The following DCHS2 variants were observed in gnomAD, a reference collection of about 807,000 sequenced individuals.
DCHS2 encodes dachsous cadherin-related 2, also known as protocadherin-23.
DCHS2 carries 142 observed loss-of-function variants against 182.4 expected under a neutral mutation model. That is an observed-to-expected ratio of 0.78 (90% CI 0.68 to 0.89). The LOEUF (loss-of-function observed/expected upper bound fraction) is 0.89. DCHS2 is among the 40% of genes least tolerant of loss of function. The probability of loss-of-function intolerance (pLI) is 0.00; values close to 1 mark genes in which losing one functional copy is unlikely to be tolerated. For synonymous variants in DCHS2, 1,740 were observed against 1,663.3 expected, an observed-to-expected ratio of 1.05 and a Z score of -1.12; for missense variants, 4,319 against 4,198.6, an observed-to-expected ratio of 1.03 and a Z score of -0.79.
intron 13 of DCHS2, among the ~76,000 whole-genome samples, chr4:154,273,823 C>T (rs12506449): frequency 0.059 from 8,943 of 152,046 alleles, 519 homozygotes; most frequent in Admixed American, 0.18. Flanking sequence ...CTGCCCTATA[C>T]GATTACACAT....
intron 1 of DCHS2, among the ~76,000 whole-genome samples, chr4:154,488,902 CTG>C (rs35075104): frequency 0.019 from 1,164 of 62,266 alleles, 11 homozygotes; most frequent in African/African-American, 0.036. Context: ...GTGTGTGTGT[CTG>C]TGTGTGTGTG....
chr4:154,490,523 C>T lies in DCHS2; in HGVS notation c.833G>A (p.Gly278Asp). 2 of 1,536,240 alleles carry T rather than the reference C, an allele frequency of 1.3e-6. No homozygotes were observed. Among genetic ancestry groups the T allele is most frequent in the South Asian group, 1.2e-5 (1 of 83,862 alleles). ...CACGCGCAGCTCCACGCTCAGGAGGCCGGTGCGCCGGGGTCGGCCGCCGTC... is the reference window on the plus strand; with the variant it reads ...CACGCGCAGCTCCACGCTCAGGAGGTCGGTGCGCCGGGGTCGGCCGCCGTC... Reference protein sequence around the residue: ...AWDGGRPRRTGLLSVELRVLD... With the variant: ...AWDGGRPRRTDLLSVELRVLD... Residue 278 changes from glycine to aspartate, a missense_variant, in exon 1 of 20, where the codon GGC (glycine) becomes GAC (aspartate). Gly to Asp is a moderately conservative substitution (Grantham distance 94). Coordinates refer to ENST00000357232, the MANE Select transcript of DCHS2 (RefSeq NM_001358235.2).
chr4:154,448,504 C>G (rs1477271465), intron 1 of DCHS2, among the ~76,000 whole-genome samples: 1 of 152,142 alleles, frequency 6.6e-6, no homozygotes, highest in Non-Finnish European at 1.5e-5. Flanking sequence ...TCCTCTCCAT[C>G]ACTCCTGCCA....
chr4:154,336,949 G>T (rs1350357675), intron 3 of DCHS2, among the ~76,000 whole-genome samples: 1 of 152,054 alleles, frequency 6.6e-6, no homozygotes, highest in Non-Finnish European at 1.5e-5. Flanking sequence ...CAATTTTACT[G>T]TTATAAAGCA....
intron 1 of DCHS2, among the ~76,000 whole-genome samples, chr4:154,465,933 T>A (rs1735221795): frequency 6.6e-6 from 1 of 151,996 alleles, no homozygotes; most frequent in East Asian, 1.9e-4. Context: ...AAACAACAGA[T>A]CCATAAAGCT....
intron 16 of DCHS2, among the ~76,000 whole-genome samples, chr4:154,252,157 A>ATCTT (rs1553997953): frequency 6.6e-6 from 1 of 151,860 alleles, no homozygotes; most frequent in African/African-American, 2.4e-5. Flanking sequence ...ATAATAGGAA[A>ATCTT]TCTTTTCTTT....
rs978938929 is a variant in DCHS2, at chr4:154,286,395, AGGT to A, written c.6463+11453_6463+11455del. The stretch of plus-strand genomic sequence containing the variant: ...GGACAAATCCTGGAGAAACTGAGAT[AGGT>A]GACCTTTCAGACAGAGAATTCAAAA... On this transcript the variant is annotated intron_variant, in intron 13 of 19. Coordinates refer to ENST00000357232, the MANE Select transcript of DCHS2 (RefSeq NM_001358235.2). Among the ~76,000 whole-genome samples the A allele has an allele frequency of 4.5e-4, 69 of 152,274 alleles. 2 individuals are homozygous for A. The highest frequency in any genetic ancestry group is 4.1e-3 in the Admixed American group (63 of 15,290).
chr4:154,454,412 T>C (rs1734675194), intron 1 of DCHS2, among the ~76,000 whole-genome samples: 1 of 152,012 alleles, frequency 6.6e-6, no homozygotes, highest in Admixed American at 6.6e-5. Flanking sequence ...CTCAGTTAAT[T>C]TTTCTATTTT....
chr4:154,435,500 G>A (rs888018759), intron 1 of DCHS2, among the ~76,000 whole-genome samples: 5 of 151,910 alleles, frequency 3.3e-5, no homozygotes, highest in African/African-American at 1.2e-4. Context: ...GGAGGCTGAG[G>A]CAGGAGAATG....
intron 8 of DCHS2, among the ~76,000 whole-genome samples, chr4:154,321,478 T>C (rs1736059433): frequency 6.6e-6 from 1 of 152,196 alleles, no homozygotes; most frequent in Non-Finnish European, 1.5e-5. Flanking sequence ...AACAGTTTGG[T>C]AAAGCCATGT....
At chr4:154,376,841 C>T (rs1730922823) in intron 2 of DCHS2, among the ~76,000 whole-genome samples, 3 of 151,992 alleles carry the variant, frequency 2.0e-5, no homozygotes, top group Non-Finnish European at 2.9e-5. Flanking sequence ...TTTAAAAAAG[C>T]CATAGGAGAA....
intron 7 of DCHS2, among the ~76,000 whole-genome samples, chr4:154,324,684 T>C (rs1486340796): frequency 1.3e-5 from 2 of 152,196 alleles, no homozygotes; most frequent in Non-Finnish European, 2.9e-5. Context: ...CAACAGTTGC[T>C]GAGTCATTAC....
chr4:154,438,926 G>A (rs1297244433), intron 1 of DCHS2, among the ~76,000 whole-genome samples: 1 of 152,150 alleles, frequency 6.6e-6, no homozygotes, highest in Non-Finnish European at 1.5e-5. Context: ...TTGGGCTCAT[G>A]TCCATCAAGA....
chr4:154,288,934 G>A (rs1034777648), intron 13 of DCHS2, among the ~76,000 whole-genome samples: 6 of 152,022 alleles, frequency 3.9e-5, no homozygotes, highest in African/African-American at 1.4e-4. Flanking sequence ...GCAGTACAAA[G>A]AGTAAAGTTT....
chr4:154,490,349 C>G lies in DCHS2; in HGVS notation c.1007G>C (p.Arg336Pro). ...ACCCGCCCCAGGCACTTGCCGGGCG[C>G]GGACGCTGTAGCGCACGAAGCCATT... ...GPNGFVRYSV[R>P]ARQVPGAGSG... is the part of the protein sequence containing the mutation. Residue 336 changes from arginine to proline, a missense_variant, in exon 1 of 20, where the codon CGC (arginine) becomes CCC (proline). Coordinates refer to ENST00000357232, the MANE Select transcript of DCHS2 (RefSeq NM_001358235.2). 1 of 1,540,196 alleles carries G rather than the reference C, an allele frequency of 6.5e-7. No individual in the cohort carries two copies. Among genetic ancestry groups the G allele is most frequent in the Admixed American group, 2.0e-5 (1 of 50,870 alleles).
At chr4:154,258,300 A>G (rs892986385) in intron 15 of DCHS2, among the ~76,000 whole-genome samples, 9 of 140,600 alleles carry the variant, frequency 6.4e-5, no homozygotes, top group African/African-American at 2.1e-4. Context: ...CTGAGACTCT[A>G]TTGGTCTTGT....
intron 1 of DCHS2, among the ~76,000 whole-genome samples, chr4:154,433,084 G>C (rs550222449): frequency 6.6e-6 from 1 of 152,190 alleles, no homozygotes; most frequent in East Asian, 1.9e-4. Flanking sequence ...GGGTTAAGAA[G>C]AGGACATATT....
intron 3 of DCHS2, among the ~76,000 whole-genome samples, chr4:154,345,054 A>C (rs1729295177): frequency 6.6e-6 from 1 of 152,226 alleles, no homozygotes; most frequent in Non-Finnish European, 1.5e-5. Flanking sequence ...CCTGTTGTCC[A>C]GTTTCCTACC....
At chr4:154,249,827 A>G (rs1342339941) in intron 16 of DCHS2, among the ~76,000 whole-genome samples, 1 of 151,988 alleles carries the variant, frequency 6.6e-6, no homozygotes, top group Admixed American at 6.6e-5. Context: ...CTCACTTACA[A>G]ATGGGAGCTA....
Sources: allele counts gnomAD v4.1 joint callset (sites outside exome capture counted in the v4.1 genomes callset), GRCh38; gene constraint gnomAD v4.1.1; transcripts MANE v1.5; gene names NCBI Gene and HGNC (gene_info 2026-07-23, HGNC 2026-07-21).